ATP8A1: variants seen among roughly 807,000 people sequenced by gnomAD.
ATP8A1 encodes the protein phospholipid-transporting ATPase IA.
Under a neutral mutation model 177.7 loss-of-function variants are expected in ATP8A1, and 90 were observed. The ratio of observed to expected loss-of-function variants is 0.51; its 90% confidence interval spans 0.43 to 0.60. The LOEUF is 0.60. ATP8A1 is among the 20% of genes least tolerant of loss of function. The pLI is 0.00. For missense variants in ATP8A1, 1,072 were observed against 1,392.8 expected, an observed-to-expected ratio of 0.77 and a Z score of 3.67; for synonymous variants, 493 against 485.9, an observed-to-expected ratio of 1.01 and a Z score of -0.19.
Position 42,638,448 on chromosome 4 carries a change from GC to G in ATP8A1, c.50-11340del, listed in dbSNP as rs1245907574. Among the ~76,000 whole-genome samples, 4 of 152,314 alleles carry G rather than the reference GC, an allele frequency of 2.6e-5. No homozygotes were observed. In the South Asian group the frequency reaches 6.2e-4, roughly 24 times the overall value. ...CATTCAGAAGAAAGGATATCCTTAA[GC>G]AGTATTACAAGGAAATCTATAGTAT... On this transcript the variant is annotated intron_variant, in intron 1 of 36. Transcript: ENST00000381668.
intron 33 of ATP8A1, among the ~76,000 whole-genome samples, chr4:42,426,823 C>T (rs948782461): frequency 1.5e-4 from 23 of 152,108 alleles, no homozygotes; most frequent in Non-Finnish European, 2.9e-4. Flanking sequence ...ATTTTTAAAA[C>T]GCAATGATGA....
chr4:42,604,784 TCAAC>T (rs1276063218), intron 5 of ATP8A1, among the ~76,000 whole-genome samples: 3 of 152,190 alleles, frequency 2.0e-5, no homozygotes, highest in African/African-American at 7.2e-5. Context: ...CACATGTCTA[TCAAC>T]TGATGAATGG....
chr4:42,452,311 A>G (rs1047267141), intron 29 of ATP8A1, among the ~76,000 whole-genome samples: 8 of 152,168 alleles, frequency 5.3e-5, no homozygotes, highest in African/African-American at 1.9e-4. Context: ...CCAAATTTAA[A>G]TTTCTGCCTG....
Position 42,635,808 on chromosome 4 carries a change from T to TAC in ATP8A1, c.50-8700_50-8699insGT, listed in dbSNP as rs1319117695. Among the ~76,000 whole-genome samples, 3 of 113,964 alleles carry TAC rather than the reference T, an allele frequency of 2.6e-5. No homozygotes were observed. The South Asian group carries it at 8.3e-4, about 31-fold the overall frequency. 74.8% of individuals were successfully genotyped at this position (113,964 alleles called of 152,430 possible). The stretch of plus-strand genomic sequence containing the variant: ...ATATATATATATATATATATATATA[T>TAC]ATACACATGTATGTATGTATGTAAG... On this transcript the variant is annotated intron_variant, in intron 1 of 36. Coordinates refer to ENST00000381668, the MANE Select transcript of ATP8A1 (RefSeq NM_006095.2).
intron 1 of ATP8A1, 139 bp from the exon 2 acceptor site, chr4:42,627,248 G>C: frequency 3.3e-6 from 2 of 610,232 alleles, no homozygotes; most frequent in Non-Finnish European, 5.7e-6. Context: ...ATAATAAAAA[G>C]TAACATCCCC....
Position 42,653,008 on chromosome 4 carries a change from A to G in ATP8A1, c.49+3817T>C, listed in dbSNP as rs146313756. Among the ~76,000 whole-genome samples, 691 of 136,762 alleles carry G rather than the reference A, an allele frequency of 5.1e-3. 60 individuals are homozygous for G. Among genetic ancestry groups the G allele is most frequent in the Non-Finnish European group, 6.6e-3 (393 of 59,684 alleles). 89.7% of individuals were successfully genotyped at this position (136,762 alleles called of 152,430 possible). ...CCATTAAACCTCTTTGTCTTTATAAATTACCCAGTCTTGGGTATGTTTTTA... is the reference window on the plus strand; with the variant it reads ...CCATTAAACCTCTTTGTCTTTATAAGTTACCCAGTCTTGGGTATGTTTTTA... On this transcript the variant is annotated intron_variant, in intron 1 of 36. Transcript: ENST00000381668.
chr4:42,567,646 G>C (rs1227899668), intron 15 of ATP8A1, among the ~76,000 whole-genome samples: 1 of 152,154 alleles, frequency 6.6e-6, no homozygotes, highest in East Asian at 1.9e-4. Flanking sequence ...AAATGTACAA[G>C]CAATTTATGA....
At chr4:42,477,124 C>T (rs1407103684) in intron 25 of ATP8A1, among the ~76,000 whole-genome samples, 1 of 152,112 alleles carries the variant, frequency 6.6e-6, no homozygotes, top group East Asian at 1.9e-4. Flanking sequence ...CGCTCTATTT[C>T]TAGTACTTAT....
intron 15 of ATP8A1, among the ~76,000 whole-genome samples, chr4:42,560,223 A>C (rs1056322763): frequency 6.6e-6 from 1 of 152,190 alleles, no homozygotes; most frequent in Admixed American, 6.5e-5. Context: ...TAAATGTATG[A>C]ATATTTATAG....
chr4:42,597,126 T>C (rs1234609266), intron 6 of ATP8A1, among the ~76,000 whole-genome samples: 2 of 152,172 alleles, frequency 1.3e-5, no homozygotes, highest in African/African-American at 4.8e-5. Context: ...GGCAAATTTG[T>C]AGGTCCTTTG....
intron 1 of ATP8A1, among the ~76,000 whole-genome samples, chr4:42,647,792 AAT>A (rs1307612526): frequency 2.6e-5 from 4 of 152,256 alleles, no homozygotes; most frequent in African/African-American, 9.6e-5. Context: ...AAAAAAGAGT[AAT>A]ATCTCAGCTA....
chr4:42,484,636 C>T (rs764565329), intron 25 of ATP8A1, among the ~76,000 whole-genome samples: 5 of 151,900 alleles, frequency 3.3e-5, no homozygotes, highest in Admixed American at 6.6e-5. Flanking sequence ...TTAAAGAAAA[C>T]GATAAAAGCA....
chr4:42,437,275 A>G (rs1213142835), intron 33 of ATP8A1, among the ~76,000 whole-genome samples: 1 of 152,232 alleles, frequency 6.6e-6, no homozygotes, highest in Non-Finnish European at 1.5e-5. Context: ...ATCATTGGCT[A>G]AACTATTTTC....
In ATP8A1 at chr4:42,656,839, C is replaced by T; in HGVS notation, c.35G>A (p.Arg12His). The T allele has an allele frequency of 1.3e-6, 2 of 1,583,382 alleles. No individual in the cohort carries two copies. Among genetic ancestry groups the T allele is most frequent in the Non-Finnish European group, 8.6e-7 (1 of 1,165,038 alleles). Residue 12 changes from arginine (R) to histidine (H), a missense_variant, in exon 1 of 37, where the codon CGC (arginine) becomes CAC (histidine). This residue lies in a region of ATP8A1 where 344 missense variants were observed against 393.5 expected (regional missense o/e 0.87). Transcript: ENST00000381668. Reference protein sequence around the residue: ...PTMRRTVSEIRSRAEGYEKTD... With the variant: ...PTMRRTVSEIHSRAEGYEKTD... ...CGGCCCCTTACCTTCGGCGCGCGAG[C>T]GGATCTCCGACACGGTCCTCCGCAT...
chr4:42,592,195 A>C (rs563914121), intron 6 of ATP8A1, among the ~76,000 whole-genome samples: 4 of 152,308 alleles, frequency 2.6e-5, no homozygotes, highest in African/African-American at 9.6e-5. Flanking sequence ...TGAATCAGAT[A>C]ATCTTTTAAA....
At chr4:42,476,369 T>C (rs1458465303) in intron 25 of ATP8A1, among the ~76,000 whole-genome samples, 1 of 151,976 alleles carries the variant, frequency 6.6e-6, no homozygotes, top group East Asian at 1.9e-4. Flanking sequence ...TCCCAGCACT[T>C]TGGGAGGCTG....
At chr4:42,487,656 A>G (rs1722331515) in intron 24 of ATP8A1, among the ~76,000 whole-genome samples, 1 of 152,076 alleles carries the variant, frequency 6.6e-6, no homozygotes, top group Non-Finnish European at 1.5e-5. Flanking sequence ...ATATATGGTC[A>G]TTTTGTAGTT....
At chr4:42,459,552 T>C (rs1296536534) in intron 27 of ATP8A1, 3 of 329,266 alleles carry the variant, frequency 9.1e-6, no homozygotes, top group African/African-American at 2.2e-5. Context: ...GAAGAACATA[T>C]AAATAGAAAA....
chr4:42,600,550 CAT>C (rs1441931749), intron 5 of ATP8A1, 32 bp from the exon 6 acceptor site: 1 of 1,595,308 alleles, frequency 6.3e-7, no homozygotes, highest in Non-Finnish European at 8.5e-7. Flanking sequence ...TTTTAAACAA[CAT>C]GTTTTACTAT....
Sources: allele counts gnomAD v4.1 joint callset (sites outside exome capture counted in the v4.1 genomes callset), GRCh38; gene constraint gnomAD v4.1.1; regional missense constraint gnomAD v4.1.1; transcripts MANE v1.5; gene names NCBI Gene and HGNC (gene_info 2026-07-23, HGNC 2026-07-21).